The following FLT3 variants were observed in gnomAD, a reference collection of about 807,000 sequenced individuals.
FLT3 encodes the protein fms related receptor tyrosine kinase 3, also known as receptor-type tyrosine-protein kinase FLT3.
In FLT3, 46 loss-of-function variants were observed where a neutral mutation model predicts 126.6. The observed-to-expected ratio is 0.36, with a 90% CI of 0.29 to 0.46. The LOEUF (loss-of-function observed/expected upper bound fraction) is 0.46, where lower values mean the gene tolerates loss of function less well. Ranked by LOEUF, FLT3 falls within the 20% of genes least tolerant of loss-of-function variation. The probability of loss-of-function intolerance (pLI) is 1.00; values close to 1 mark genes in which losing one functional copy is unlikely to be tolerated. For missense variants in FLT3, 1,069 were observed against 1,190.3 expected, an observed-to-expected ratio of 0.90 and a Z score of 1.50; for synonymous variants, 404 against 434.4, an observed-to-expected ratio of 0.93 and a Z score of 0.87.
chr13:28,085,216 C>T (rs892329671), intron 1 of FLT3, among the ~76,000 whole-genome samples: 4 of 151,324 alleles, frequency 2.6e-5, no homozygotes, highest in Non-Finnish European at 4.4e-5. Flanking sequence ...TGGTGGCGCA[C>T]GCCTATAGTT....
intron 1 of FLT3, among the ~76,000 whole-genome samples, chr13:28,093,099 A>AT (rs1181181303): frequency 2.0e-5 from 3 of 151,088 alleles, no homozygotes; most frequent in South Asian, 2.1e-4. Flanking sequence ...CTTTTTTTGT[A>AT]TTTTTTTATA....
rs1377488423 is a variant in FLT3, at chr13:28,049,366, G to A, written c.1036+18C>T. The A allele has an allele frequency of 6.2e-7, 1 of 1,606,488 alleles. No homozygotes were observed. The highest frequency in any genetic ancestry group is 1.1e-5 in the South Asian group (1 of 89,760). ...GACTAAAAATAGGAATAAAGATTGT[G>A]TGAGCAGCCTGCATTACCTACGATG... On this transcript the variant is annotated intron_variant, in intron 8 of 23. Transcript: ENST00000241453.
chr13:28,083,325 T>A (rs1878452089), intron 1 of FLT3, among the ~76,000 whole-genome samples: 1 of 152,232 alleles, frequency 6.6e-6, no homozygotes, highest in Admixed American at 6.5e-5. Context: ...TTAACCAACC[T>A]TGCATTCCTG....
At chr13:28,013,546 T>C (rs981368429) in intron 23 of FLT3, among the ~76,000 whole-genome samples, 3 of 152,222 alleles carry the variant, frequency 2.0e-5, no homozygotes, top group African/African-American at 2.4e-5. Flanking sequence ...CTGGAGATGG[T>C]TCTTTTCACT....
intron 23 of FLT3, among the ~76,000 whole-genome samples, chr13:28,011,080 G>C (rs1871311119): frequency 6.6e-6 from 1 of 151,964 alleles, no homozygotes; most frequent in Non-Finnish European, 1.5e-5. Context: ...GGAAGGCTGA[G>C]GTGGGCGGAT....
At chr13:28,070,073 C>A (rs1012669654) in intron 2 of FLT3, among the ~76,000 whole-genome samples, 7 of 152,194 alleles carry the variant, frequency 4.6e-5, no homozygotes, top group Admixed American at 2.0e-4. Context: ...TATGATCATG[C>A]CACTATACTC....
rs1879748851 is a variant in FLT3, at chr13:28,100,399, C to G, written c.43+69G>C. 2 of 1,111,494 alleles carry G rather than the reference C, an allele frequency of 1.8e-6. No individual in the cohort carries two copies. Among genetic ancestry groups the G allele is most frequent in the Non-Finnish European group, 2.3e-6 (2 of 882,710 alleles). 68.9% of individuals were successfully genotyped at this position (1,111,494 alleles called of 1,614,324 possible). A position where few individuals can be genotyped will look rare whatever the true frequency, so the allele number is the denominator to read the frequency against. On this transcript the variant is annotated intron_variant, in intron 1 of 23. Transcript: ENST00000241453. The surrounding 1 kb of genome is among the most constrained non-coding windows in gnomAD (Gnocchi z 4.8). ...CGGCTGGGCCGGAGGAGGCGCGCGC[C>G]CGGGTCCACACTGCGGGGTGGGGGC...
At chr13:28,059,868 G>A (rs932657613) in intron 3 of FLT3, among the ~76,000 whole-genome samples, 1 of 151,990 alleles carries the variant, frequency 6.6e-6, no homozygotes, top group Non-Finnish European at 1.5e-5. Flanking sequence ...GCTGAGGCAG[G>A]AGAATTGCTT....
intron 3 of FLT3, among the ~76,000 whole-genome samples, chr13:28,058,794 C>T (rs1876267604): frequency 6.6e-6 from 1 of 152,224 alleles, no homozygotes; most frequent in Admixed American, 6.5e-5. Flanking sequence ...AGTCAATTAG[C>T]AGGATATATA....
intron 19 of FLT3, among the ~76,000 whole-genome samples, chr13:28,019,259 G>A (rs573348143): frequency 2.2e-4 from 34 of 152,224 alleles, no homozygotes; most frequent in East Asian, 3.9e-4. Flanking sequence ...GAGCCACCGC[G>A]CCTGGCCAGC....
chr13:28,074,691 A>G (rs1877804195), intron 1 of FLT3, among the ~76,000 whole-genome samples: 1 of 151,474 alleles, frequency 6.6e-6, no homozygotes, highest in Admixed American at 6.6e-5. Context: ...CTCAGGTTGG[A>G]GTATAGTGGC....
chr13:28,068,527 A>G (rs1470887665), intron 2 of FLT3, among the ~76,000 whole-genome samples: 5 of 151,346 alleles, frequency 3.3e-5, no homozygotes, highest in Non-Finnish European at 7.4e-5. Context: ...TCTATGATAT[A>G]TATCATATAT....
rs369189078 is a variant in FLT3 at position 28,048,449 on chromosome 13, A to G, written c.1037-6T>C. The G allele has an allele frequency of 1.5e-5, 23 of 1,560,310 alleles. No homozygotes were observed. Among genetic ancestry groups the G allele is most frequent in the Non-Finnish European group, 1.9e-5 (22 of 1,134,540 alleles). ...AGCATTTATAAATCCCTTTTCTGTA[A>G]GAAAAAATAGGCATTTATGAGTTAG... is the stretch of plus-strand genomic sequence containing the variant. On this transcript the variant is annotated splice_polypyrimidine_tract_variant and splice_region_variant and intron_variant, in intron 8 of 23. Transcript: ENST00000241453.
rs929125113 is a variant in FLT3, at chr13:28,083,044, T to C, written c.44-12432A>G. Among the ~76,000 whole-genome samples, 12 of 151,334 alleles carry C rather than the reference T, an allele frequency of 7.9e-5. 1 individual carries two copies. Among genetic ancestry groups the C allele is most frequent in the Admixed American group, 7.9e-4 (12 of 15,138 alleles). ...TTTGTAGAGATGAAGTTTCACCATG[T>C]TGCCCAGTCTGGTGTTGGTCTCTTG... On this transcript the variant is annotated intron_variant, in intron 1 of 23. Coordinates refer to ENST00000241453, the MANE Select transcript of FLT3 (RefSeq NM_004119.3).
intron 10 of FLT3, 84 bp from the exon 11 acceptor site, chr13:28,036,127 G>A (rs973608012): frequency 1.1e-5 from 13 of 1,154,628 alleles, no homozygotes; most frequent in Non-Finnish European, 1.7e-5. Context: ...TGAAGCCAAG[G>A]TGGGAGGATC....
At chr13:28,004,717 A>G (rs761048862) in intron 23 of FLT3, among the ~76,000 whole-genome samples, 1 of 152,248 alleles carries the variant, frequency 6.6e-6, no homozygotes, top group Non-Finnish European at 1.5e-5. Context: ...GATATTCTAT[A>G]TAACTAAAAA....
intron 18 of FLT3, 126 bp from the exon 19 acceptor site, chr13:28,023,603 T>C: frequency 9.9e-7 from 1 of 1,014,494 alleles, no homozygotes; most frequent in Non-Finnish European, 1.5e-6. Context: ...TCGCATTATC[T>C]TCCCGGCAGC....
chr13:28,014,634 G>T, intron 22 of FLT3, 77 bp from the exon 23 acceptor site: 1 of 995,762 alleles, frequency 1.0e-6, no homozygotes, highest in Non-Finnish European at 1.6e-6. Flanking sequence ...ATATAATGAA[G>T]CACCATTTAT....
intron 3 of FLT3, among the ~76,000 whole-genome samples, chr13:28,060,569 T>A (rs545289404): frequency 6.7e-6 from 1 of 149,634 alleles, no homozygotes; most frequent in East Asian, 2.0e-4. Context: ...CTTATATATG[T>A]GTCTGTGTGT....
Sources: gnomAD v4.1 joint callset for allele counts (sites outside exome capture counted in the v4.1 genomes callset) on GRCh38, gnomAD v4.1.1 for gene constraint, Gnocchi (gnomAD v3.1) non-coding constraint, MANE v1.5 for transcripts, NCBI Gene and HGNC (gene_info 2026-07-23, HGNC 2026-07-21) for gene names.